GRIN2B: variants seen among roughly 807,000 people sequenced by gnomAD.
GRIN2B encodes the protein glutamate receptor ionotropic, NMDA 2B.
A neutral mutation model predicts 114.5 loss-of-function variants in GRIN2B; 5 were observed. The ratio of observed to expected loss-of-function variants is 0.04; its 90% CI spans 0.02 to 0.09. The LOEUF is 0.09. Among genes scored for constraint, GRIN2B ranks in the 10% least tolerant of loss-of-function variants. The probability of loss-of-function intolerance (pLI) is 1.00; values close to 1 mark genes in which losing one functional copy is unlikely to be tolerated. For missense variants in GRIN2B, 1,108 were observed against 1,943.5 expected (o/e 0.57, Z 8.08); for synonymous variants, 787 against 745.1 (o/e 1.06, Z -0.92).
intron 4 of GRIN2B, among the ~76,000 whole-genome samples, chr12:13,696,975 A>C (rs1328716304): frequency 2.0e-5 from 3 of 152,192 alleles, no homozygotes; most frequent in African/African-American, 7.2e-5. Context: ...AGTCCTAACA[A>C]GCAGCAAAAT....
Position 13,742,290 on chromosome 12 carries a change from A to T in GRIN2B, c.1010+11027T>A, listed in dbSNP as rs78587256. Among the ~76,000 whole-genome samples the T allele has an allele frequency of 1.7e-3, 266 of 152,262 alleles. 1 individual carries two copies. The highest frequency in any genetic ancestry group is 6.1e-3 in the African/African-American group (255 of 41,544). On this transcript the variant is annotated intron_variant, in intron 4 of 13. Coordinates refer to ENST00000609686, the MANE Select transcript of GRIN2B (RefSeq NM_000834.5). ...CTCTTTTCCATTCTGTTATTTATTA[A>T]TGCTGTTGGTTTGCCTATCTGATCC...
chr12:13,914,786 G>T (rs868746874), intron 2 of GRIN2B, among the ~76,000 whole-genome samples: 1 of 152,138 alleles, frequency 6.6e-6, no homozygotes, highest in South Asian at 2.1e-4. Flanking sequence ...GATGGAATTG[G>T]AGATCACTAT....
intron 2 of GRIN2B, among the ~76,000 whole-genome samples, chr12:13,893,286 T>C (rs1158258121): frequency 6.6e-6 from 1 of 152,142 alleles, no homozygotes; most frequent in African/African-American, 2.4e-5. Context: ...TGAAGAAGCA[T>C]GTGTTTCTAT....
At chr12:13,841,788 G>A in intron 3 of GRIN2B, among the ~76,000 whole-genome samples, 1 of 152,112 alleles carries the variant, frequency 6.6e-6, no homozygotes, top group South Asian at 2.1e-4. Flanking sequence ...GACACAGCGA[G>A]ATGTATTCAA....
intron 2 of GRIN2B, among the ~76,000 whole-genome samples, chr12:13,899,759 A>G (rs1169873439): frequency 6.9e-6 from 1 of 144,028 alleles, no homozygotes; most frequent in African/African-American, 2.4e-5. Context: ...TGATACTAAA[A>G]CCTATGAAGA....
At chr12:13,715,022 C>T (rs1464819352) in intron 4 of GRIN2B, among the ~76,000 whole-genome samples, 2 of 151,772 alleles carry the variant, frequency 1.3e-5, no homozygotes, top group African/African-American at 2.4e-5. Flanking sequence ...GATTGCTTCT[C>T]GTAGTTCTTA....
chr12:13,726,522 G>A lies in GRIN2B; in HGVS notation c.1010+26795C>T, dbSNP rs181164444. 5.0e-3 allele frequency among the ~76,000 whole-genome samples: 731 copies of A among 145,982 alleles called. 18 individuals carry two copies. Among genetic ancestry groups the A allele is most frequent in the East Asian group, 2.9e-3 (15 of 5,110 alleles). On this transcript the variant is annotated intron_variant, in intron 4 of 13. Transcript: ENST00000609686. ...TGCACTCCAGCCTGGACAAAAGAGC[G>A]AGACTCTGTCAAAAAAAAGAAAGAA...
intron 10 of GRIN2B, among the ~76,000 whole-genome samples, chr12:13,608,351 G>A (rs180964630): frequency 2.6e-5 from 4 of 152,230 alleles, no homozygotes; most frequent in East Asian, 1.9e-4. Context: ...TCAGAAAGCC[G>A]CTAACATACC....
rs901333241 is a variant in GRIN2B, at chr12:13,540,108, C to G, written c.*22675G>C. 1 of 152,150 alleles carries G rather than the reference C, an allele frequency of 6.6e-6. No individual in the cohort carries two copies. The highest frequency in any genetic ancestry group is 1.5e-5 in the Non-Finnish European group (1 of 68,024). 9.4% of individuals were successfully genotyped at this position (152,150 alleles called of 1,614,324 possible). A position where few individuals can be genotyped will look rare whatever the true frequency, so the allele number is the denominator to read the frequency against. On this transcript the variant is annotated 3_prime_UTR_variant, in exon 14 of 14. Transcript: ENST00000609686. Reference sequence around the variant, plus strand: ...CCCAACCCAAGTAGATTCGCCAGTCCAAGACTCCTACCAACAATTGGAAAC... The same window carrying G: ...CCCAACCCAAGTAGATTCGCCAGTCGAAGACTCCTACCAACAATTGGAAAC...
intron 3 of GRIN2B, among the ~76,000 whole-genome samples, chr12:13,793,158 G>C (rs1864349794): frequency 7.2e-6 from 1 of 139,314 alleles, no homozygotes; most frequent in African/African-American, 2.9e-5. Flanking sequence ...TGTAATCCCA[G>C]CACTTTGGGA....
chr12:13,930,078 GGAGGCT>G (rs1215123759), intron 2 of GRIN2B, among the ~76,000 whole-genome samples: 1 of 152,148 alleles, frequency 6.6e-6, no homozygotes, highest in Non-Finnish European at 1.5e-5. Context: ...CAGCTACTTG[GGAGGCT>G]GAGGCAGGAG....
intron 4 of GRIN2B, among the ~76,000 whole-genome samples, chr12:13,749,529 G>A (rs569059128): frequency 6.6e-6 from 1 of 152,332 alleles, no homozygotes; most frequent in East Asian, 1.9e-4. Context: ...GAGAATAGCA[G>A]GCCAAAGGAA....
chr12:13,959,865 A>G (rs1425149444), intron 2 of GRIN2B, among the ~76,000 whole-genome samples: 1 of 148,744 alleles, frequency 6.7e-6, no homozygotes, highest in Non-Finnish European at 1.5e-5. Flanking sequence ...ATTATTCAGG[A>G]TGATGGAACT....
At chr12:13,963,022 T>C (rs1310401275) in intron 2 of GRIN2B, among the ~76,000 whole-genome samples, 1 of 152,200 alleles carries the variant, frequency 6.6e-6, no homozygotes, top group Non-Finnish European at 1.5e-5. Context: ...TTCCTCTTCC[T>C]TTATTCTCTC....
At chr12:13,770,348 C>T (rs1863883199) in intron 3 of GRIN2B, among the ~76,000 whole-genome samples, 1 of 152,126 alleles carries the variant, frequency 6.6e-6, no homozygotes, top group African/African-American at 2.4e-5. Flanking sequence ...TTGACACTGA[C>T]CAAGTCTGAT....
chr12:13,562,328 T>C lies in GRIN2B; in HGVS notation c.*455A>G, dbSNP rs1188024186. On this transcript the variant is annotated 3_prime_UTR_variant, in exon 14 of 14. Transcript: ENST00000609686. ...TTCCTTTCACAAGCAGTGTGCTAAA[T>C]GGTCTCACATAGATGCTTTTGCTTC... 1 of 175,472 alleles carries C rather than the reference T, an allele frequency of 5.7e-6. No individual in the cohort carries two copies. The highest frequency in any genetic ancestry group is 1.2e-5 in the Non-Finnish European group (1 of 81,824). The allele number at this position is 175,472 out of a possible 1,614,324, so 10.9% of individuals were successfully genotyped here.
At chr12:13,879,631 C>G (rs1487014847) in intron 2 of GRIN2B, among the ~76,000 whole-genome samples, 1 of 152,166 alleles carries the variant, frequency 6.6e-6, no homozygotes, top group East Asian at 1.9e-4. Flanking sequence ...CAAGTAGCTG[C>G]TCTCTCTGAA....
At chr12:13,785,858 T>C (rs1032347779) in intron 3 of GRIN2B, among the ~76,000 whole-genome samples, 1 of 152,204 alleles carries the variant, frequency 6.6e-6, no homozygotes, top group African/African-American at 2.4e-5. Context: ...AAATATCTAC[T>C]AAGAGGCAGA....
chr12:13,727,838 T>C (rs902093935), intron 4 of GRIN2B, among the ~76,000 whole-genome samples: 2 of 152,198 alleles, frequency 1.3e-5, no homozygotes, highest in African/African-American at 2.4e-5. Flanking sequence ...TTAACAGCTC[T>C]GGATAATAGC....
Sources: gnomAD v4.1 joint callset for allele counts (sites outside exome capture counted in the v4.1 genomes callset) on GRCh38, gnomAD v4.1.1 for gene constraint, MANE v1.5 for transcripts, NCBI Gene and HGNC (gene_info 2026-07-23, HGNC 2026-07-21) for gene names.